The following ARHGAP20 variants were observed in gnomAD, a reference collection of about 807,000 sequenced individuals.
ARHGAP20 encodes Rho GTPase activating protein 20.
ARHGAP20 carries 34 observed loss-of-function variants against 73.7 expected under a neutral mutation model. That is an observed-to-expected ratio of 0.46 (90% CI 0.35 to 0.61). The LOEUF is 0.61. ARHGAP20 is among the 20% of genes least tolerant of loss of function. The pLI is 0.00. For missense variants in ARHGAP20, 1,314 were observed against 1,420.9 expected, an observed-to-expected ratio of 0.92 and a Z score of 1.21; for synonymous variants, 523 against 518.2, an observed-to-expected ratio of 1.01 and a Z score of -0.13.
chr11:110,609,157 C>G lies in ARHGAP20; in HGVS notation c.709-107G>C. On this transcript the variant is annotated intron_variant, in intron 7 of 14. Transcript: ENST00000683387. ...ATGTGTCCTCCCTCCTGCCCCCTAC[C>G]CAGTGATAGTTAGAGATCCATGAAC... 3 of 890,682 alleles carry G rather than the reference C, an allele frequency of 3.4e-6. No individual in the cohort carries two copies. The South Asian group carries it at 4.6e-5, about 14-fold the overall frequency. 55.2% of individuals were successfully genotyped at this position (890,682 alleles called of 1,614,324 possible).
At chr11:110,691,726 G>A (rs1343823555) in intron 1 of ARHGAP20, among the ~76,000 whole-genome samples, 1 of 152,062 alleles carries the variant, frequency 6.6e-6, no homozygotes, top group African/African-American at 2.4e-5. Context: ...TGCTCCTAGG[G>A]ATCTCTCCCA....
Position 110,592,758 on chromosome 11 carries a change from A to G in ARHGAP20, c.965-603T>C, listed in dbSNP as rs186956349. Among the ~76,000 whole-genome samples the G allele has an allele frequency of 2.6e-4, 40 of 152,330 alleles. 1 individual carries two copies. The highest frequency in any genetic ancestry group is 2.5e-3 in the Admixed American group (38 of 15,304). ...CGTTAGAAATAAAGAATCCTTTAGT[A>G]TCTGACATACTACTCTCCTCTTGAG... On this transcript the variant is annotated intron_variant, in intron 9 of 14. Transcript: ENST00000683387.
chr11:110,580,174 G>T lies in ARHGAP20; in HGVS notation c.2772C>A (p.Pro924=), dbSNP rs1947410159. The change falls in exon 15 of 15, where the codon CCC becomes CCA. Residue 924 remains proline (P), a synonymous_variant. Coordinates refer to ENST00000683387, the MANE Select transcript of ARHGAP20 (RefSeq NM_001384657.1). ...ATNQNTEKVL[P]PRLNLCPRTS... ...TCCTTGGGCAAAGGTTTAATCTTGG[G>T]GGTAAAACCTTCTCAGTGTTTTGGT... is the stretch of plus-strand genomic sequence containing the variant. 1 of 1,614,036 alleles carries T rather than the reference G, an allele frequency of 6.2e-7. No individual in the cohort carries two copies. The highest frequency in any genetic ancestry group is 1.7e-5 in the Admixed American group (1 of 59,998).
intron 6 of ARHGAP20, among the ~76,000 whole-genome samples, chr11:110,613,954 G>A (rs1377968173): frequency 2.0e-5 from 3 of 151,876 alleles, no homozygotes; most frequent in African/African-American, 7.3e-5. Flanking sequence ...TATGATTTCA[G>A]CCATCAAATT....
At position 110,580,671 on chromosome 11, in the gene ARHGAP20, G is replaced by C; in HGVS notation, c.2275C>G (p.Gln759Glu). 6.2e-7 allele frequency: 1 copy of C among 1,613,996 alleles called. No individual in the cohort carries two copies. The highest frequency in any genetic ancestry group is 8.5e-7 in the Non-Finnish European group (1 of 1,179,932). Residue 759 changes from glutamine (Q) to glutamate (E), a missense_variant, in exon 15 of 15, where the codon CAG becomes GAG. This residue lies in a region of ARHGAP20 where 641 missense variants were observed against 636.9 expected (regional missense o/e 1.01). Transcript: ENST00000683387. ...ACATCAGTGCCTGTGACTAAACTCT[G>C]TTTAAAACATGTCTTTCCTTCCTCC... ...LQEEGKTCFK[Q>E]SLVTGTDVSK...
At chr11:110,635,390 T>C (rs1948945480) in intron 2 of ARHGAP20, among the ~76,000 whole-genome samples, 1 of 152,176 alleles carries the variant, frequency 6.6e-6, no homozygotes, top group Non-Finnish European at 1.5e-5. Context: ...GTGATTCTAA[T>C]GCACATTGAA....
chr11:110,648,268 A>T (rs12282034), intron 2 of ARHGAP20, among the ~76,000 whole-genome samples: 1 of 137,800 alleles, frequency 7.3e-6, no homozygotes, highest in Non-Finnish European at 1.5e-5. Context: ...TATATATGTA[A>T]ATATATATAT....
chr11:110,617,089 A>G (rs1247357729), intron 4 of ARHGAP20, among the ~76,000 whole-genome samples: 1 of 152,182 alleles, frequency 6.6e-6, no homozygotes, highest in East Asian at 1.9e-4. Flanking sequence ...AGTTTCCACT[A>G]TCCTGACTTC....
At chr11:110,646,100 T>G (rs6589159) in intron 2 of ARHGAP20, among the ~76,000 whole-genome samples, 1 of 152,026 alleles carries the variant, frequency 6.6e-6, no homozygotes, top group African/African-American at 2.4e-5. Context: ...AATCTGCACA[T>G]GTACCTCCTG....
At chr11:110,649,156 A>G (rs552594254) in intron 2 of ARHGAP20, among the ~76,000 whole-genome samples, 1 of 151,868 alleles carries the variant, frequency 6.6e-6, no homozygotes, top group South Asian at 2.1e-4. Flanking sequence ...CAGTAAAGAG[A>G]AACAATTTTT....
At chr11:110,592,701 AAGAGG>A (rs932599562) in intron 9 of ARHGAP20, among the ~76,000 whole-genome samples, 1 of 152,148 alleles carries the variant, frequency 6.6e-6, no homozygotes. Flanking sequence ...GAGGAGAAGA[AAGAGG>A]AGAGGAGTTT....
intron 6 of ARHGAP20, among the ~76,000 whole-genome samples, chr11:110,611,704 G>A (rs1181362357): frequency 6.6e-6 from 1 of 152,152 alleles, no homozygotes; most frequent in East Asian, 1.9e-4. Context: ...ATAGATCAGT[G>A]AGGTTGGTCC....
chr11:110,611,347 C>A lies in ARHGAP20; in HGVS notation c.670G>T (p.Glu224Ter). The change falls in exon 7 of 15, where the codon GAA becomes TAA. Residue 224 changes from glutamate to a stop codon, truncating the protein, a stop_gained. Transcript: ENST00000683387. LOFTEE classifies it high-confidence loss of function. ...ITVMNSDTANEVINMSLPMLG... is the reference protein window; with the variant it reads ...ITVMNSDTAN ...ATTGGTAATGACATGTTGATAACTTCATTCGCTGTATCTGAATTCATTACT... is the reference window on the plus strand; with the variant it reads ...ATTGGTAATGACATGTTGATAACTTAATTCGCTGTATCTGAATTCATTACT... 6.4e-7 allele frequency: 1 copy of A among 1,569,654 alleles called. No homozygotes were observed. Among genetic ancestry groups the A allele is most frequent in the Non-Finnish European group, 8.7e-7 (1 of 1,154,164 alleles).
chr11:110,582,013 A>G (rs1489076726), intron 14 of ARHGAP20, among the ~76,000 whole-genome samples: 1 of 151,978 alleles, frequency 6.6e-6, no homozygotes. Flanking sequence ...TCTATTATAT[A>G]TATTAGGGTT....
At chr11:110,695,250 A>C (rs1321237470) in intron 1 of ARHGAP20, among the ~76,000 whole-genome samples, 1 of 151,598 alleles carries the variant, frequency 6.6e-6, no homozygotes, top group Non-Finnish European at 1.5e-5. Context: ...AAGGAAACAC[A>C]GGCATAATTT....
In ARHGAP20 at chr11:110,635,559, T is replaced by C. The variant is rs559593345; in HGVS notation, c.189-4767A>G. ...GAACTTTTGAGAGTTATTCCATCAT[T>C]TCCTGTGATTTCTCAGCTATAGCTA... On this transcript the variant is annotated intron_variant, in intron 2 of 14. Coordinates refer to ENST00000683387, the MANE Select transcript of ARHGAP20 (RefSeq NM_001384657.1). Among the ~76,000 whole-genome samples, 7 of 152,264 alleles carry C rather than the reference T, an allele frequency of 4.6e-5. No homozygotes were observed. In the South Asian group the frequency reaches 1.4e-3, roughly 32 times the overall value.
rs755974246 is a variant in ARHGAP20, at chr11:110,615,554, T to C, written c.544A>G (p.Arg182Gly). ...AAAATATGAATACTGAAAAAATACCTCTGAAGGAGAGAGAGCCATTTGTCC... is the reference window on the plus strand; with the variant it reads ...AAAATATGAATACTGAAAAAATACCCCTGAAGGAGAGAGAGCCATTTGTCC... ...QKDKWLSLLQ[R>G]YINLEKEKDY... The change falls in exon 5 of 15, where the codon AGA becomes GGA. Residue 182 changes from arginine (R) to glycine (G), a missense_variant and splice_region_variant. Physicochemically the swap from Arg to Gly is moderately radical, Grantham distance 125. Around this residue, in one of 3 missense-constraint regions of ARHGAP20, gnomAD observed 443 missense variants for 466.4 expected, o/e 0.95. Coordinates refer to ENST00000683387, the MANE Select transcript of ARHGAP20 (RefSeq NM_001384657.1). The C allele has an allele frequency of 4.3e-6, 7 of 1,610,270 alleles. No individual in the cohort carries two copies. Among genetic ancestry groups the C allele is most frequent in the Non-Finnish European group, 5.9e-6 (7 of 1,178,752 alleles).
chr11:110,708,145 G>T (rs990427132), intron 1 of ARHGAP20, among the ~76,000 whole-genome samples: 1 of 152,000 alleles, frequency 6.6e-6, no homozygotes, highest in Non-Finnish European at 1.5e-5. Context: ...AAATAAGCAC[G>T]TGAAAAGATG....
In ARHGAP20 at chr11:110,596,796, T is replaced by C. The variant is rs568385257; in HGVS notation, c.965-4641A>G. On this transcript the variant is annotated intron_variant, in intron 9 of 14. Coordinates refer to ENST00000683387, the MANE Select transcript of ARHGAP20 (RefSeq NM_001384657.1). The stretch of plus-strand genomic sequence containing the variant: ...CTCAGTAATCCCGTTACTGGGTATA[T>C]ACCCAAAGGATTATAAATCATGCTG... Among the ~76,000 whole-genome samples the C allele has an allele frequency of 2.6e-5, 4 of 152,328 alleles. No homozygotes were observed. In the South Asian group the frequency reaches 6.2e-4, roughly 24 times the overall value.
Sources: allele counts gnomAD v4.1 joint callset (sites outside exome capture counted in the v4.1 genomes callset), GRCh38; gene constraint gnomAD v4.1.1; regional missense constraint gnomAD v4.1.1; transcripts MANE v1.5; gene names NCBI Gene and HGNC (gene_info 2026-07-23, HGNC 2026-07-21).